ITGAE: variants seen among roughly 807,000 people sequenced by gnomAD.
The protein encoded by ITGAE is integrin alpha-E.
A neutral mutation model predicts 136.5 loss-of-function variants in ITGAE; 99 were observed. The observed-to-expected ratio is 0.73, with a 90% confidence interval of 0.62 to 0.86. The LOEUF is 0.86. ITGAE is among the 40% of genes least tolerant of loss of function. The probability of loss-of-function intolerance (pLI) is 0.00; values close to 1 mark genes in which losing one functional copy is unlikely to be tolerated. For synonymous variants in ITGAE, 613 were observed against 591.8 expected (o/e 1.04, Z -0.52); for missense variants, 1,447 against 1,515.3 (o/e 0.95, Z 0.75).
At chr17:3,793,928 T>C (rs1164246574) in intron 1 of ITGAE, among the ~76,000 whole-genome samples, 1 of 151,396 alleles carries the variant, frequency 6.6e-6, no homozygotes, top group African/African-American at 2.4e-5. Flanking sequence ...CCTTGCCTGA[T>C]TGAAGTGCTC....
chr17:3,782,294 A>C (rs921654684), intron 1 of ITGAE, among the ~76,000 whole-genome samples: 1 of 146,792 alleles, frequency 6.8e-6, no homozygotes, highest in Admixed American at 6.9e-5. Context: ...AAAAAAAAAA[A>C]AAAAAAAGCA....
intron 18 of ITGAE, 88 bp from the exon 19 acceptor site, chr17:3,743,705 C>CTTTTTT (rs34843140): frequency 5.3e-6 from 5 of 935,006 alleles, no homozygotes; most frequent in South Asian, 3.4e-5. Context: ...TTCTTTTTTT[C>CTTTTTT]TTTTTTTTTT....
At chr17:3,743,358 A>T in intron 19 of ITGAE, 131 bp downstream of exon 19, 1 of 1,039,670 alleles carries the variant, frequency 9.6e-7, no homozygotes, top group Non-Finnish European at 1.4e-6. Flanking sequence ...CACCATGAGT[A>T]CGGTGAGGGG....
rs71155804 is a variant in ITGAE at position 3,788,456 on chromosome 17, AT to A, written c.35-10797del. Among the ~76,000 whole-genome samples, 654 of 103,252 alleles carry A rather than the reference AT, an allele frequency of 6.3e-3. 13 individuals carry two copies. In the East Asian group the frequency reaches 0.076, roughly 12 times the overall value. The allele number at this position is 103,252 out of a possible 152,430, so 67.7% of individuals were successfully genotyped here. ...AGGCCTGTGCCACCAGACCTGACTA[AT>A]TTTTTTTTTTTTTTTTTTTTTTGGT... On this transcript the variant is annotated intron_variant, in intron 1 of 30. Coordinates refer to ENST00000263087, the MANE Select transcript of ITGAE (RefSeq NM_002208.5).
intron 26 of ITGAE, among the ~76,000 whole-genome samples, chr17:3,727,164 C>G (rs1400785832): frequency 2.6e-5 from 4 of 152,106 alleles, no homozygotes; most frequent in Admixed American, 1.3e-4. Flanking sequence ...GAGCCTGTTG[C>G]TTCAGGTATC....
intron 22 of ITGAE, among the ~76,000 whole-genome samples, 191 bp downstream of exon 22, chr17:3,732,175 CTG>C (rs1313747937): frequency 6.6e-6 from 1 of 152,216 alleles, no homozygotes; most frequent in Non-Finnish European, 1.5e-5. Flanking sequence ...TCACCTAGGG[CTG>C]TGTACTGGAA....
chr17:3,752,752 G>GAA (rs753597493), intron 14 of ITGAE, among the ~76,000 whole-genome samples: 4 of 130,890 alleles, frequency 3.1e-5, no homozygotes, highest in African/African-American at 8.4e-5. Flanking sequence ...CTCAGTCTCG[G>GAA]AAAAAAAAAA....
chr17:3,756,702 G>A (rs1046203216), intron 10 of ITGAE, among the ~76,000 whole-genome samples: 2 of 152,212 alleles, frequency 1.3e-5, no homozygotes, highest in Non-Finnish European at 2.9e-5. Context: ...ACCACACCTG[G>A]CCCCAGCTAC....
chr17:3,726,262 A>C, intron 26 of ITGAE: 1 of 1,614,230 alleles, frequency 6.2e-7, no homozygotes, highest in Non-Finnish European at 8.5e-7. Context: ...AAAATCCAGG[A>C]GTTCCACAGG....
intron 1 of ITGAE, among the ~76,000 whole-genome samples, chr17:3,797,370 T>G (rs1326176162): frequency 9.9e-5 from 15 of 151,476 alleles, no homozygotes; most frequent in Non-Finnish European, 1.8e-4. Context: ...TTTCACTGTG[T>G]TAGCCAGGAT....
At chr17:3,782,487 C>G (rs2052690025) in intron 1 of ITGAE, among the ~76,000 whole-genome samples, 1 of 151,346 alleles carries the variant, frequency 6.6e-6, no homozygotes, top group South Asian at 2.1e-4. Flanking sequence ...CCTGCCTCAG[C>G]CTCCCAAGTA....
At chr17:3,796,071 T>G (rs75501590) in intron 1 of ITGAE, among the ~76,000 whole-genome samples, 30 of 92,262 alleles carry the variant, frequency 3.3e-4, no homozygotes, top group Admixed American at 3.7e-4. Context: ...GCATCCGTGT[T>G]TGTGCATCCC....
intron 1 of ITGAE, among the ~76,000 whole-genome samples, chr17:3,783,924 G>A (rs1009004894): frequency 1.3e-5 from 2 of 152,198 alleles, no homozygotes; most frequent in Non-Finnish European, 2.9e-5. Context: ...TACAATGAAA[G>A]TGGGAGACTT....
chr17:3,720,319 G>C lies in ITGAE; in HGVS notation c.3321C>G (p.Asn1107Lys), dbSNP rs1253573583. 6.4e-7 allele frequency: 1 copy of C among 1,557,242 alleles called. No homozygotes were observed. Among genetic ancestry groups the C allele is most frequent in the Non-Finnish European group, 8.9e-7 (1 of 1,128,336 alleles). Reference protein sequence around the residue: ...KSLYEGLNAENHRTKITVVFL... With the variant: ...KSLYEGLNAEKHRTKITVVFL... Reference sequence around the variant, plus strand: ...AGCCAGGAATTACCTTAGTTCTGTGGTTCTCTGCATTCAGTCCCTCATATA... The same window carrying C: ...AGCCAGGAATTACCTTAGTTCTGTGCTTCTCTGCATTCAGTCCCTCATATA... Residue 1107 changes from asparagine to lysine, a missense_variant, in exon 29 of 31, where the codon AAC becomes AAG. Physicochemically the swap from Asn to Lys is moderately conservative, Grantham distance 94 (BLOSUM62 0). Transcript: ENST00000263087.
intron 15 of ITGAE, among the ~76,000 whole-genome samples, chr17:3,751,381 G>C (rs1254999023): frequency 6.6e-6 from 1 of 151,842 alleles, no homozygotes; most frequent in East Asian, 1.9e-4. Flanking sequence ...GGCCAGGGAA[G>C]GAGACAGGTA....
chr17:3,743,539 G>A lies in ITGAE; in HGVS notation c.2398C>T (p.His800Tyr). ...QLQTPEGQTD[H>Y]PQPILDRYTE... ...TAGCGGTCCAGGATGGGCTGGGGAT[G>A]GTCCGTCTGTCCCTCAGGGGTCTGG... The change falls in exon 19 of 31, where the codon CAT (histidine) becomes TAT (tyrosine). Residue 800 changes from histidine to tyrosine, a missense_variant. This residue lies in a region of ITGAE where 1,031 missense variants were observed against 1,011.4 expected (regional missense o/e 1.02). Transcript: ENST00000263087. 1 of 1,611,890 alleles carries A rather than the reference G, an allele frequency of 6.2e-7. No homozygotes were observed. Among genetic ancestry groups the A allele is most frequent in the Non-Finnish European group, 8.5e-7 (1 of 1,179,360 alleles).
intron 1 of ITGAE, among the ~76,000 whole-genome samples, chr17:3,791,520 T>G (rs993264164): frequency 2.0e-5 from 3 of 152,130 alleles, no homozygotes; most frequent in Non-Finnish European, 4.4e-5. Context: ...TGACCTCAGG[T>G]GATCCACCAG....
chr17:3,756,224 CTTTTTTTTTTTTTTTTT>C (rs398041526), intron 10 of ITGAE, among the ~76,000 whole-genome samples: 10 of 95,028 alleles, frequency 1.1e-4, no homozygotes, highest in Admixed American at 2.3e-4. Flanking sequence ...TATTGTTGGC[CTTTTTTTTTTTTTTTTT>C]TTTTTTTTTT....
intron 2 of ITGAE, among the ~76,000 whole-genome samples, chr17:3,774,767 A>G (rs190924751): frequency 6.2e-4 from 95 of 152,202 alleles, no homozygotes; most frequent in African/African-American, 2.1e-3. Flanking sequence ...TCTGTCTCCA[A>G]TAAATAAATA....
Sources: allele counts gnomAD v4.1 joint callset (sites outside exome capture counted in the v4.1 genomes callset), GRCh38; gene constraint gnomAD v4.1.1; regional missense constraint gnomAD v4.1.1; transcripts MANE v1.5; gene names NCBI Gene and HGNC (gene_info 2026-07-23, HGNC 2026-07-21).